Variants in NEO1 observed in about 807,000 individuals in gnomAD.
NEO1 encodes the protein neogenin.
Under a neutral mutation model 159.7 loss-of-function variants are expected in NEO1, and 63 were observed. The ratio of observed to expected loss-of-function variants is 0.39; its 90% CI spans 0.32 to 0.49. The LOEUF is 0.49. NEO1 is among the 20% of genes least tolerant of loss of function. The pLI is 0.85. For missense variants in NEO1, 1,615 were observed against 1,831.0 expected (o/e 0.88, Z 2.15); for synonymous variants, 633 against 662.0 (o/e 0.96, Z 0.67).
chr15:73,200,911 A>T (rs752508476), intron 7 of NEO1, among the ~76,000 whole-genome samples: 4 of 151,734 alleles, frequency 2.6e-5, no homozygotes, highest in African/African-American at 4.8e-5. Flanking sequence ...CAAACTCCTG[A>T]GCTCAAGTGA....
At chr15:73,141,848 C>T (rs954059426) in intron 5 of NEO1, among the ~76,000 whole-genome samples, 3 of 152,098 alleles carry the variant, frequency 2.0e-5, no homozygotes, top group South Asian at 2.1e-4. Flanking sequence ...CTCTTGGCTT[C>T]GGGATAAAAA....
At chr15:73,168,714 C>T (rs2034756566) in intron 5 of NEO1, among the ~76,000 whole-genome samples, 1 of 152,098 alleles carries the variant, frequency 6.6e-6, no homozygotes, top group African/African-American at 2.4e-5. Flanking sequence ...AGCCTATTCA[C>T]CTTCATTGGA....
intron 1 of NEO1, among the ~76,000 whole-genome samples, chr15:73,104,496 A>G (rs114020896): frequency 2.3e-3 from 344 of 152,300 alleles, no homozygotes; most frequent in African/African-American, 7.7e-3. Flanking sequence ...TCTATGGTAT[A>G]ATTGTTTTTT....
In NEO1 at chr15:73,302,848, C is replaced by T. The variant is rs970571080; in HGVS notation, c.*152C>T. On this transcript the variant is annotated 3_prime_UTR_variant, in exon 29 of 29. Transcript: ENST00000261908. ...CCAGCGCCTCTGTGTAGGGCTGGCT[C>T]CAGGCATGGCCACCTGCCTTCCCCT... 4 of 636,530 alleles carry T rather than the reference C, an allele frequency of 6.3e-6. No individual in the cohort carries two copies. Among genetic ancestry groups the T allele is most frequent in the Non-Finnish European group, 1.1e-5 (4 of 368,578 alleles). The allele number at this position is 636,530 out of a possible 1,614,324, so 39.4% of individuals were successfully genotyped here.
intron 1 of NEO1, among the ~76,000 whole-genome samples, chr15:73,089,833 T>C (rs1283275674): frequency 2.0e-5 from 3 of 152,240 alleles, no homozygotes; most frequent in African/African-American, 7.2e-5. Context: ...CAAAAAGTTA[T>C]GGGCACAGAG....
At chr15:73,288,264 ACG>A (rs1241462535) in intron 23 of NEO1, 47 bp from the exon 24 acceptor site, 1 of 1,544,934 alleles carries the variant, frequency 6.5e-7, no homozygotes, top group Non-Finnish European at 8.9e-7. Flanking sequence ...TTTGACAAAT[ACG>A]TTCAAATGAG....
At chr15:73,154,704 C>G (rs2033648098) in intron 5 of NEO1, among the ~76,000 whole-genome samples, 1 of 152,162 alleles carries the variant, frequency 6.6e-6, no homozygotes, top group Non-Finnish European at 1.5e-5. Context: ...TGTGAAATAT[C>G]TTTTTCCACC....
chr15:73,054,637 G>A (rs1292356113), intron 1 of NEO1, among the ~76,000 whole-genome samples: 1 of 152,202 alleles, frequency 6.6e-6, no homozygotes, highest in African/African-American at 2.4e-5. Flanking sequence ...GGGTAGGAGT[G>A]GAGGTGGGGA....
intron 7 of NEO1, among the ~76,000 whole-genome samples, chr15:73,179,032 C>T (rs866836873): frequency 1.9e-4 from 29 of 151,920 alleles, no homozygotes; most frequent in African/African-American, 6.5e-4. Flanking sequence ...ATTAATTTAC[C>T]TTTTCTGATT....
At chr15:73,146,241 G>A (rs1273971858) in intron 5 of NEO1, among the ~76,000 whole-genome samples, 1 of 152,164 alleles carries the variant, frequency 6.6e-6, no homozygotes, top group Non-Finnish European at 1.5e-5. Flanking sequence ...TTGAGGACAG[G>A]ACTGGATCTT....
rs141080301 is a variant in NEO1 at position 73,164,968 on chromosome 15, G to T, written c.1016-11435G>T. On this transcript the variant is annotated intron_variant, in intron 5 of 28. Coordinates refer to ENST00000261908, the MANE Select transcript of NEO1 (RefSeq NM_002499.4). ...TTAGAGATGGGGGTCTTGCTAAGTT[G>T]CCCAAATTGGAGTGCAGTGGTGTAA... Among the ~76,000 whole-genome samples, 346 of 152,242 alleles carry T rather than the reference G, an allele frequency of 2.3e-3. 5 individuals carry two copies. The highest frequency in any genetic ancestry group is 0.014 in the Middle Eastern group (4 of 294).
rs1456486370 is a variant in NEO1, at chr15:73,217,984, A to G, written c.1292-18363A>G. The stretch of plus-strand genomic sequence containing the variant: ...CTATGTTGAATAGGAGTGGTGAGAG[A>G]GGGCATCCCTGTCTTGTGCCAGTTT... On this transcript the variant is annotated intron_variant, in intron 7 of 28. Coordinates refer to ENST00000261908, the MANE Select transcript of NEO1 (RefSeq NM_002499.4). Among the ~76,000 whole-genome samples the G allele has an allele frequency of 2.1e-3, 318 of 151,926 alleles. 1 individual carries two copies. The highest frequency in any genetic ancestry group is 7.3e-3 in the African/African-American group (303 of 41,516).
In NEO1 at chr15:73,270,011, C is replaced by G; in HGVS notation, c.2496C>G (p.Asp832Glu). 1 of 1,611,242 alleles carries G rather than the reference C, an allele frequency of 6.2e-7. No individual in the cohort carries two copies. Among genetic ancestry groups the G allele is most frequent in the Non-Finnish European group, 8.5e-7 (1 of 1,177,810 alleles). Reference protein sequence around the residue: ...YESAVTRPHTDTSEVDLFVIN... With the variant: ...YESAVTRPHTETSEVDLFVIN... The stretch of plus-strand genomic sequence containing the variant: ...CTTTTTAAATTATTTTCTGCTCAGA[C>G]ACTTCTGAAGTTGATTTATTTGTTA... Residue 832 changes from aspartate to glutamate, a missense_variant and splice_region_variant, in exon 17 of 29, where the codon GAC (aspartate) becomes GAG (glutamate). Asp to Glu is a conservative substitution (Grantham distance 45, BLOSUM62 2). Transcript: ENST00000261908.
intron 5 of NEO1, among the ~76,000 whole-genome samples, chr15:73,144,704 T>G (rs2032734622): frequency 6.6e-6 from 1 of 152,186 alleles, no homozygotes; most frequent in African/African-American, 2.4e-5. Flanking sequence ...GCTTCAGACA[T>G]TTGCAATTGG....
intron 1 of NEO1, among the ~76,000 whole-genome samples, chr15:73,087,596 T>C (rs2069436763): frequency 6.6e-6 from 1 of 152,188 alleles, no homozygotes; most frequent in Admixed American, 6.5e-5. Context: ...AACTGTTTAG[T>C]AGAATTTAAT....
intron 7 of NEO1, among the ~76,000 whole-genome samples, chr15:73,211,272 G>A (rs1245533860): frequency 6.6e-6 from 1 of 152,196 alleles, no homozygotes; most frequent in Non-Finnish European, 1.5e-5. Flanking sequence ...TAAGACTAAG[G>A]AAAACAAATG....
At chr15:73,297,910 C>T (rs2660821) in intron 26 of NEO1, among the ~76,000 whole-genome samples, 59,515 of 152,082 alleles carry the variant, frequency 0.39, 11,799 homozygotes, top group East Asian at 0.54. Flanking sequence ...ACCGCCAGGC[C>T]TTGTCAGCAG....
intron 25 of NEO1, among the ~76,000 whole-genome samples, chr15:73,292,068 CA>C (rs981820692): frequency 2.6e-5 from 4 of 152,150 alleles, no homozygotes; most frequent in African/African-American, 4.8e-5. Context: ...CTCTGGTCCC[CA>C]AGAGCAGCAC....
At chr15:73,216,667 A>G (rs1194697712) in intron 7 of NEO1, among the ~76,000 whole-genome samples, 1 of 151,926 alleles carries the variant, frequency 6.6e-6, no homozygotes, top group Non-Finnish European at 1.5e-5. Context: ...TTTGATTTGC[A>G]TTGCTCTGAT....
Sources: gnomAD v4.1 joint callset for allele counts (sites outside exome capture counted in the v4.1 genomes callset) on GRCh38, gnomAD v4.1.1 for gene constraint, MANE v1.5 for transcripts, NCBI Gene and HGNC (gene_info 2026-07-23, HGNC 2026-07-21) for gene names.